The following ATG10 variants were observed in gnomAD, a reference collection of about 807,000 sequenced individuals.
ATG10 encodes the protein ubiquitin-like-conjugating enzyme ATG10.
In ATG10, 30 loss-of-function variants were observed where a neutral mutation model predicts 32.1. That is an observed-to-expected ratio of 0.94 (90% CI 0.70 to 1.27). The LOEUF is 1.27. ATG10 is among the 50% of genes most tolerant of loss of function. The pLI is 0.00. For missense variants in ATG10, 233 were observed against 262.3 expected (o/e 0.89, Z 0.77); for synonymous variants, 87 against 91.5 (o/e 0.95, Z 0.28).
chr5:82,185,939 T>C (rs994530338), intron 5 of ATG10, among the ~76,000 whole-genome samples: 5 of 152,240 alleles, frequency 3.3e-5, no homozygotes, highest in East Asian at 1.9e-4. Context: ...TTTTAAATAA[T>C]ACAAATCAAT....
intron 2 of ATG10, among the ~76,000 whole-genome samples, chr5:82,039,443 T>C (rs907576141): frequency 6.6e-6 from 1 of 152,160 alleles, no homozygotes; most frequent in Admixed American, 6.5e-5. Context: ...TATTATACAT[T>C]TCAGAAATAC....
At chr5:82,119,984 T>TTG (rs5869106) in intron 3 of ATG10, among the ~76,000 whole-genome samples, 6,892 of 148,236 alleles carry the variant, frequency 0.046, 185 homozygotes, top group East Asian at 0.076. Context: ...CCACCATTTA[T>TTG]TGTGTGTGTG....
At chr5:82,096,063 C>T (rs768518363) in intron 3 of ATG10, among the ~76,000 whole-genome samples, 2 of 152,126 alleles carry the variant, frequency 1.3e-5, no homozygotes, top group Non-Finnish European at 2.9e-5. Context: ...TAGAAACTAG[C>T]ATTTATTACC....
chr5:82,112,414 A>C (rs1235294019), intron 3 of ATG10, among the ~76,000 whole-genome samples: 1 of 151,812 alleles, frequency 6.6e-6, no homozygotes, highest in East Asian at 1.9e-4. Context: ...TTGGGGGGTA[A>C]TTTAGTCTTC....
intron 3 of ATG10, among the ~76,000 whole-genome samples, chr5:82,115,788 T>C (rs777755818): frequency 6.6e-6 from 1 of 152,066 alleles, no homozygotes; most frequent in Non-Finnish European, 1.5e-5. Context: ...GTAGGGTCTT[T>C]TATGGCAAGT....
chr5:82,148,902 T>C (rs1486567146), intron 3 of ATG10, among the ~76,000 whole-genome samples: 1 of 152,202 alleles, frequency 6.6e-6, no homozygotes, highest in African/African-American at 2.4e-5. Context: ...CATTGCTGGC[T>C]CCTCTTTTCC....
chr5:82,079,321 T>C (rs376272515), intron 3 of ATG10, among the ~76,000 whole-genome samples: 3 of 151,110 alleles, frequency 2.0e-5, no homozygotes, highest in Non-Finnish European at 4.4e-5. Context: ...ACATCTTACA[T>C]GGATGGCAGC....
chr5:82,205,975 A>C (rs1432088391), intron 5 of ATG10, among the ~76,000 whole-genome samples: 2 of 152,220 alleles, frequency 1.3e-5, no homozygotes, highest in African/African-American at 4.8e-5. Flanking sequence ...AGAGCTATAG[A>C]AAAAGGGGAC....
chr5:82,016,886 T>G (rs1414897100), intron 2 of ATG10, among the ~76,000 whole-genome samples: 1 of 152,028 alleles, frequency 6.6e-6, no homozygotes, highest in Non-Finnish European at 1.5e-5. Flanking sequence ...GAGACAGGGT[T>G]TCACCGTGTT....
chr5:82,138,262 C>G (rs1460650675), intron 3 of ATG10, among the ~76,000 whole-genome samples: 1 of 152,116 alleles, frequency 6.6e-6, no homozygotes, highest in Non-Finnish European at 1.5e-5. Context: ...GTTCCAGGAG[C>G]CACTGGGGTA....
chr5:82,003,305 G>A (rs948786944), intron 2 of ATG10, among the ~76,000 whole-genome samples: 4 of 152,190 alleles, frequency 2.6e-5, no homozygotes, highest in African/African-American at 7.2e-5. Context: ...CTACTGAAGT[G>A]CCCAGATTGT....
intron 1 of ATG10, among the ~76,000 whole-genome samples, chr5:81,980,118 G>T (rs1271402909): frequency 1.3e-5 from 2 of 152,030 alleles, no homozygotes; most frequent in East Asian, 1.9e-4. Context: ...TTACGTGTTT[G>T]AATTTCCTTC....
At chr5:81,991,486 T>C (rs1761457568) in intron 2 of ATG10, among the ~76,000 whole-genome samples, 2 of 152,168 alleles carry the variant, frequency 1.3e-5, no homozygotes, top group African/African-American at 4.8e-5. Flanking sequence ...ACTCCTGCTT[T>C]CCAATGCCTC....
At position 81,972,328 on chromosome 5, in the gene ATG10, TGCCGGTTGTCTCCTCCC is replaced by T. The variant is rs1447566177; in HGVS notation, c.-13+24_-13+40del. On this transcript the variant is annotated intron_variant, in intron 1 of 7. Coordinates refer to ENST00000282185, the MANE Select transcript of ATG10 (RefSeq NM_031482.5). The stretch of plus-strand genomic sequence containing the variant: ...AGGGGTGAGTATTCCCCACAGCCCT[TGCCGGTTGTCTCCTCCC>T]GGCTCTGCTTCCCACACGGTCCTTG... 4 of 152,602 alleles carry T rather than the reference TGCCGGTTGTCTCCTCCC, an allele frequency of 2.6e-5. No individual in the cohort carries two copies. The East Asian group carries it at 7.7e-4, about 30-fold the overall frequency. 9.5% of individuals were successfully genotyped at this position (152,602 alleles called of 1,614,324 possible).
intron 1 of ATG10, among the ~76,000 whole-genome samples, chr5:81,985,119 C>T (rs1465963497): frequency 6.6e-6 from 1 of 152,154 alleles, no homozygotes; most frequent in African/African-American, 2.4e-5. Flanking sequence ...TAAGTATTTT[C>T]AATAGTTAAG....
At chr5:81,993,423 C>CTTTTCTTTTCTTTTA (rs1160988587) in intron 2 of ATG10, among the ~76,000 whole-genome samples, 1 of 113,754 alleles carries the variant, frequency 8.8e-6, no homozygotes, top group African/African-American at 3.5e-5. Context: ...CTTTTCTTTT[C>CTTTTCTTTTCTTTTA]TTTCCTTCTT....
At chr5:82,160,276 A>T (rs1410301313) in intron 3 of ATG10, among the ~76,000 whole-genome samples, 1 of 152,216 alleles carries the variant, frequency 6.6e-6, no homozygotes, top group Non-Finnish European at 1.5e-5. Flanking sequence ...ATCATACGGT[A>T]TATAACTTTT....
chr5:82,160,598 C>T (rs892644558), intron 3 of ATG10, among the ~76,000 whole-genome samples: 1 of 152,172 alleles, frequency 6.6e-6, no homozygotes, highest in African/African-American at 2.4e-5. Context: ...AGAGGCTATA[C>T]ACTGTTTTAT....
intron 3 of ATG10, among the ~76,000 whole-genome samples, chr5:82,157,549 G>A (rs1767853221): frequency 6.6e-6 from 1 of 152,108 alleles, no homozygotes; most frequent in Non-Finnish European, 1.5e-5. Flanking sequence ...AATGAGCCTT[G>A]AAACAAACAA....
Sources: allele counts gnomAD v4.1 joint callset (sites outside exome capture counted in the v4.1 genomes callset), GRCh38; gene constraint gnomAD v4.1.1; transcripts MANE v1.5; gene names NCBI Gene and HGNC (gene_info 2026-07-23, HGNC 2026-07-21).